The following ROCK2 variants were observed in gnomAD, a reference collection of about 807,000 sequenced individuals.
The protein encoded by ROCK2 is rho-associated protein kinase 2.
Under a neutral mutation model 195.1 loss-of-function variants are expected in ROCK2, and 61 were observed. The ratio of observed to expected loss-of-function variants is 0.31; its 90% confidence interval spans 0.25 to 0.39. The LOEUF is 0.39. ROCK2 is among the 10% of genes least tolerant of loss of function. The probability of loss-of-function intolerance (pLI) is 1.00; values close to 1 mark genes in which losing one functional copy is unlikely to be tolerated. For missense variants in ROCK2, 1,109 were observed against 1,637.4 expected, an observed-to-expected ratio of 0.68 and a Z score of 5.57; for synonymous variants, 504 against 545.5, an observed-to-expected ratio of 0.92 and a Z score of 1.06.
chr2:11,266,571 T>G (rs1382598463), intron 3 of ROCK2, among the ~76,000 whole-genome samples: 1 of 152,190 alleles, frequency 6.6e-6, no homozygotes, highest in East Asian at 1.9e-4. Flanking sequence ...AAAAAGTATT[T>G]CACATAAAAG....
In ROCK2 at chr2:11,197,417, A is replaced by G. The variant is rs1409178209; in HGVS notation, c.3280-69T>C. 4 of 1,536,962 alleles carry G rather than the reference A, an allele frequency of 2.6e-6. No individual in the cohort carries two copies. In the African/African-American group the frequency reaches 4.1e-5, roughly 16 times the overall value. The stretch of plus-strand genomic sequence containing the variant: ...ACTCAACATTTTGCTTCTTGGTTCA[A>G]TAATAATTATTAAATAGAAATGGTC... On this transcript the variant is annotated intron_variant, in intron 26 of 32. Transcript: ENST00000315872. The surrounding 1 kb of genome is among the most constrained non-coding windows in gnomAD (Gnocchi z 4.9).
intron 3 of ROCK2, among the ~76,000 whole-genome samples, chr2:11,284,927 T>C (rs1195251091): frequency 2.0e-5 from 3 of 152,174 alleles, no homozygotes; most frequent in Admixed American, 6.5e-5. Context: ...ATTTGCAAAA[T>C]TATTCAACGT....
At chr2:11,230,512 G>C (rs1358437528) in intron 5 of ROCK2, among the ~76,000 whole-genome samples, 1 of 152,092 alleles carries the variant, frequency 6.6e-6, no homozygotes, top group Non-Finnish European at 1.5e-5. Context: ...ATAAAGTACT[G>C]TCAAATGATA....
At chr2:11,263,805 A>G (rs1666321749) in intron 3 of ROCK2, among the ~76,000 whole-genome samples, 1 of 151,654 alleles carries the variant, frequency 6.6e-6, no homozygotes, top group South Asian at 2.1e-4. Flanking sequence ...GCCAGGATGA[A>G]GTTTTCATAG....
intron 1 of ROCK2, among the ~76,000 whole-genome samples, chr2:11,291,454 A>G (rs1011004205): frequency 3.3e-5 from 5 of 152,174 alleles, no homozygotes; most frequent in African/African-American, 1.2e-4. Context: ...AGAGGCTGAG[A>G]CAGGAGAATC....
chr2:11,338,519 T>C (rs747124274), intron 1 of ROCK2, among the ~76,000 whole-genome samples: 17 of 152,210 alleles, frequency 1.1e-4, no homozygotes, highest in Non-Finnish European at 2.4e-4. Flanking sequence ...ACTTAAAGTA[T>C]ATGGAGGATA....
chr2:11,187,896 AAAGAT>A (rs1313886755), intron 32 of ROCK2, among the ~76,000 whole-genome samples: 8 of 152,188 alleles, frequency 5.3e-5, no homozygotes, highest in South Asian at 4.1e-4. Context: ...GAGGAAGAGC[AAAGAT>A]AAGATAATAA....
chr2:11,199,265 T>C (rs1663761040), intron 23 of ROCK2, among the ~76,000 whole-genome samples: 1 of 152,066 alleles, frequency 6.6e-6, no homozygotes, highest in Admixed American at 6.6e-5. Context: ...TATTTCATTA[T>C]ATACACATGA....
At chr2:11,233,664 C>A (rs1665101938) in intron 5 of ROCK2, among the ~76,000 whole-genome samples, 1 of 152,036 alleles carries the variant, frequency 6.6e-6, no homozygotes, top group Non-Finnish European at 1.5e-5. Context: ...CAGAAAGAAG[C>A]AATGAACTAA....
intron 1 of ROCK2, among the ~76,000 whole-genome samples, chr2:11,317,245 G>A (rs1023611630): frequency 6.6e-6 from 1 of 151,738 alleles, no homozygotes; most frequent in African/African-American, 2.4e-5. Flanking sequence ...CACTTTTACA[G>A]GGCATCTCCT....
chr2:11,199,414 T>C (rs577753083), intron 23 of ROCK2, among the ~76,000 whole-genome samples: 37 of 151,592 alleles, frequency 2.4e-4, no homozygotes, highest in Middle Eastern at 6.8e-3. Flanking sequence ...CCTCCAAGGC[T>C]CTAAGGATCC....
rs1353541646 is a variant in ROCK2, at chr2:11,180,884, A to G, written c.*2553T>C. On this transcript the variant is annotated 3_prime_UTR_variant, in exon 33 of 33. Coordinates refer to ENST00000315872, the MANE Select transcript of ROCK2 (RefSeq NM_004850.5). ...AAAAAGCGAATTCTTACCCAAGGTC[A>G]GAATTTTTTATTAAGCGCATTTTCA... 1 of 152,216 alleles carries G rather than the reference A, an allele frequency of 6.6e-6. No homozygotes were observed. The highest frequency in any genetic ancestry group is 1.5e-5 in the Non-Finnish European group (1 of 68,040). The allele number at this position is 152,216 out of a possible 1,614,324, so 9.4% of individuals were successfully genotyped here.
At chr2:11,320,568 A>G (rs559796798) in intron 1 of ROCK2, among the ~76,000 whole-genome samples, 28 of 152,236 alleles carry the variant, frequency 1.8e-4, no homozygotes, top group Non-Finnish European at 2.9e-4. Context: ...ATTATTTAAT[A>G]TAGGTCTTAC....
intron 1 of ROCK2, among the ~76,000 whole-genome samples, chr2:11,293,510 T>C (rs752108241): frequency 5.0e-4 from 76 of 152,130 alleles, no homozygotes; most frequent in Middle Eastern, 3.2e-3. Flanking sequence ...AATAGGAATG[T>C]TTTTATGACT....
At chr2:11,249,086 C>T (rs1665735573) in intron 4 of ROCK2, among the ~76,000 whole-genome samples, 1 of 151,922 alleles carries the variant, frequency 6.6e-6, no homozygotes, top group African/African-American at 2.4e-5. Flanking sequence ...TTAGTAGAGA[C>T]AGGGTTTCAT....
chr2:11,331,008 AGC>A (rs1668743614), intron 1 of ROCK2, among the ~76,000 whole-genome samples: 2 of 18,900 alleles, frequency 1.1e-4, no homozygotes, highest in African/African-American at 2.2e-4. Flanking sequence ...GGGAGGAAGG[AGC>A]AGAAAGAAGG....
intron 1 of ROCK2, 139 bp downstream of exon 1, chr2:11,343,857 C>T: frequency 1.8e-6 from 2 of 1,101,260 alleles, no homozygotes; most frequent in Non-Finnish European, 2.5e-6. Context: ...GTTTGGTCTC[C>T]GGCCCCGGCT....
In ROCK2 at chr2:11,197,333, T is replaced by A. The variant is rs1326185996; in HGVS notation, c.3295A>T (p.Ser1099Cys). The change falls in exon 27 of 33, where the codon AGC becomes TGC. Residue 1099 changes from serine to cysteine, a missense_variant. By Grantham distance (112) the Ser-to-Cys change is moderately radical. Transcript: ENST00000315872. This position sits in a 1 kb window ranked among gnomAD's most constrained non-coding sequence, Gnocchi z 4.9. ...ATCTGCAGTTCAATTCGAATCTGGC[T>A]CTCTTCAGCTATTTGCTATAAGAAA... The part of the protein sequence containing the change: ...NEMQAQIAEE[S>C]QIRIELQMTL... The A allele has an allele frequency of 6.8e-6, 11 of 1,612,782 alleles. No individual in the cohort carries two copies. The highest frequency in any genetic ancestry group is 9.3e-6 in the Non-Finnish European group (11 of 1,179,600).
chr2:11,217,595 G>A (rs1235547035), intron 11 of ROCK2, among the ~76,000 whole-genome samples: 1 of 152,128 alleles, frequency 6.6e-6, no homozygotes, highest in African/African-American at 2.4e-5. Flanking sequence ...AACTGAATAT[G>A]CTCAAAGTAA....
Sources: gnomAD v4.1 joint callset for allele counts (sites outside exome capture counted in the v4.1 genomes callset) on GRCh38, gnomAD v4.1.1 for gene constraint, Gnocchi (gnomAD v3.1) non-coding constraint, MANE v1.5 for transcripts, NCBI Gene and HGNC (gene_info 2026-07-23, HGNC 2026-07-21) for gene names.